The following EYS variants were observed in gnomAD, a reference collection of about 807,000 sequenced individuals.
EYS encodes the protein protein eyes shut homolog.
Under a neutral mutation model 282.1 loss-of-function variants are expected in EYS, and 250 were observed. The ratio of observed to expected loss-of-function variants is 0.89; its 90% confidence interval spans 0.80 to 0.98. The LOEUF (loss-of-function observed/expected upper bound fraction) is 0.98, where lower values mean the gene tolerates loss of function less well. Among genes scored for constraint, EYS ranks in the 50% least tolerant of loss-of-function variants. EYS has a pLI of 0.00. For missense variants in EYS, 4,016 were observed against 3,709.0 expected (o/e 1.08, Z -2.15); for synonymous variants, 1,355 against 1,282.9 (o/e 1.06, Z -1.20).
chr6:64,917,180 C>T (rs1321782722), intron 15 of EYS, among the ~76,000 whole-genome samples: 1 of 150,114 alleles, frequency 6.7e-6, no homozygotes, highest in Non-Finnish European at 1.5e-5. Context: ...ACCTGGGTGG[C>T]GGAGGCTGCA....
intron 26 of EYS, among the ~76,000 whole-genome samples, chr6:64,578,154 G>A: frequency 6.6e-6 from 1 of 151,990 alleles, no homozygotes; most frequent in Admixed American, 6.6e-5. Context: ...CCATAGTATA[G>A]CCAGAGTGGT....
intron 26 of EYS, among the ~76,000 whole-genome samples, chr6:64,534,656 A>T (rs939255090): frequency 6.6e-5 from 10 of 151,612 alleles, no homozygotes; most frequent in African/African-American, 2.2e-4. Flanking sequence ...TACTTTTTTC[A>T]TCTGGTTTTA....
chr6:64,607,611 G>A (rs1766977521), intron 24 of EYS, among the ~76,000 whole-genome samples: 1 of 151,966 alleles, frequency 6.6e-6, no homozygotes, highest in Non-Finnish European at 1.5e-5. Context: ...TAGTCTTAGG[G>A]GTTAGAACTT....
At chr6:64,652,020 A>G (rs1768578836) in intron 22 of EYS, among the ~76,000 whole-genome samples, 1 of 152,260 alleles carries the variant, frequency 6.6e-6, no homozygotes, top group Non-Finnish European at 1.5e-5. Context: ...AGACTTTAAC[A>G]ACAGGTTTTA....
At chr6:65,027,301 T>C (rs1042679982) in intron 13 of EYS, among the ~76,000 whole-genome samples, 1 of 152,244 alleles carries the variant, frequency 6.6e-6, no homozygotes, top group African/African-American at 2.4e-5. Context: ...CATACTTTTC[T>C]AATGAACTAG....
rs747245972 is a variant in EYS at position 65,059,372 on chromosome 6, T to G, written c.2024-1645A>C. ...GGGGTAAGAGAGCTCATAGGTCATA[T>G]GCATTTGCTATTTAGCCTTAACAAA... On this transcript the variant is annotated intron_variant, in intron 12 of 42. Coordinates refer to ENST00000503581, the MANE Select transcript of EYS (RefSeq NM_001142800.2). Among the ~76,000 whole-genome samples the G allele has an allele frequency of 3.9e-5, 6 of 152,130 alleles. No individual in the cohort carries two copies. In the South Asian group the frequency reaches 1.2e-3, roughly 31 times the overall value.
chr6:64,044,848 GT>G lies in EYS; in HGVS notation c.6725+21489del, dbSNP rs1479903419. 5.3e-5 allele frequency among the ~76,000 whole-genome samples: 8 copies of G among 152,274 alleles called. No homozygotes were observed. The East Asian group carries it at 1.5e-3, about 29-fold the overall frequency. On this transcript the variant is annotated intron_variant, in intron 33 of 42. Transcript: ENST00000503581. Reference sequence around the variant, plus strand: ...CAAAAATAAAAGGCAGAAGTGAATAGTTTAGATCAGAGAGTAGATATTACAA... The same window carrying G: ...CAAAAATAAAAGGCAGAAGTGAATAGTTAGATCAGAGAGTAGATATTACAA...
chr6:65,258,690 G>A (rs563361539), intron 12 of EYS, among the ~76,000 whole-genome samples: 23 of 152,170 alleles, frequency 1.5e-4, no homozygotes, highest in Non-Finnish European at 2.8e-4. Flanking sequence ...GAGAAATTTT[G>A]CGGTGGAATA....
chr6:64,941,410 T>A (rs1276978006), intron 15 of EYS, among the ~76,000 whole-genome samples: 1 of 152,050 alleles, frequency 6.6e-6, no homozygotes, highest in East Asian at 1.9e-4. Context: ...TATACGTGGT[T>A]ATTAAGCTTT....
At chr6:65,473,847 C>CA (rs377100286) in intron 5 of EYS, among the ~76,000 whole-genome samples, 27,693 of 117,720 alleles carry the variant, frequency 0.24, 3,026 homozygotes, top group Middle Eastern at 0.39. Flanking sequence ...ATTTTTGTCT[C>CA]AAAAAAAAAA....
chr6:64,469,975 T>C (rs1261380191), intron 26 of EYS, among the ~76,000 whole-genome samples: 2 of 152,096 alleles, frequency 1.3e-5, no homozygotes, highest in African/African-American at 2.4e-5. Flanking sequence ...TCTCTCCCTC[T>C]CTCTCTCTGC....
At chr6:64,025,823 C>T (rs974617115) in intron 33 of EYS, among the ~76,000 whole-genome samples, 5 of 152,110 alleles carry the variant, frequency 3.3e-5, no homozygotes, top group African/African-American at 7.2e-5. Context: ...AGGGTATGGC[C>T]CTCCACTTCA....
At chr6:64,500,264 T>A (rs1776997248) in intron 26 of EYS, among the ~76,000 whole-genome samples, 1 of 152,136 alleles carries the variant, frequency 6.6e-6, no homozygotes, top group Non-Finnish European at 1.5e-5. Context: ...TAGACATCCA[T>A]TCTCTTGTTT....
intron 22 of EYS, among the ~76,000 whole-genome samples, chr6:64,658,218 G>A (rs1768833045): frequency 6.6e-6 from 1 of 152,174 alleles, no homozygotes; most frequent in South Asian, 2.1e-4. Context: ...GTCCTTTAAG[G>A]ACTTCTCTGC....
intron 12 of EYS, among the ~76,000 whole-genome samples, chr6:65,228,782 C>T (rs894342485): frequency 2.0e-5 from 3 of 152,016 alleles, no homozygotes; most frequent in African/African-American, 7.2e-5. Flanking sequence ...CTGTAGTAAT[C>T]ACAAGAGTGG....
At chr6:65,007,856 A>C (rs1771732100) in intron 13 of EYS, among the ~76,000 whole-genome samples, 1 of 152,180 alleles carries the variant, frequency 6.6e-6, no homozygotes, top group Admixed American at 6.5e-5. Flanking sequence ...CCTGATGGCT[A>C]TATTGATGTT....
chr6:64,198,770 A>G (rs1334049499), intron 31 of EYS, among the ~76,000 whole-genome samples: 1 of 152,216 alleles, frequency 6.6e-6, no homozygotes, highest in Non-Finnish European at 1.5e-5. Flanking sequence ...TATTGTAAAT[A>G]GTGCTGCACT....
intron 12 of EYS, among the ~76,000 whole-genome samples, chr6:65,221,352 C>T (rs181945448): frequency 1.3e-5 from 2 of 152,290 alleles, no homozygotes; most frequent in Admixed American, 6.5e-5. Flanking sequence ...GTGTTCCAGG[C>T]CTAGGGCCAT....
At chr6:63,783,284 G>T (rs1770283202) in intron 39 of EYS, among the ~76,000 whole-genome samples, 1 of 152,176 alleles carries the variant, frequency 6.6e-6, no homozygotes, top group African/African-American at 2.4e-5. Flanking sequence ...GGTTAGGGTT[G>T]GCATCCAGGT....
Sources: allele counts gnomAD v4.1 joint callset (sites outside exome capture counted in the v4.1 genomes callset), GRCh38; gene constraint gnomAD v4.1.1; transcripts MANE v1.5; gene names NCBI Gene and HGNC (gene_info 2026-07-23, HGNC 2026-07-21).